The following FRY variants were observed in gnomAD, a reference collection of about 807,000 sequenced individuals.
FRY encodes the protein FRY microtubule binding protein.
FRY carries 128 observed loss-of-function variants against 348.4 expected under a neutral mutation model. The ratio of observed to expected loss-of-function variants is 0.37; its 90% CI spans 0.32 to 0.43. The LOEUF (loss-of-function observed/expected upper bound fraction) is 0.43, where lower values mean the gene tolerates loss of function less well. Among genes scored for constraint, FRY ranks in the 20% least tolerant of loss-of-function variants. The pLI is 1.00. For missense variants in FRY, 2,736 were observed against 3,695.2 expected (o/e 0.74, Z 6.73); for synonymous variants, 1,370 against 1,374.7 (o/e 1.00, Z 0.08).
rs1886417253 is a variant in FRY, at chr13:32,239,976, C to T, written c.6687+95C>T. ...GCTCAAGCAGTCCTCCTGCCTTCGCCTCCCAGAGTGCTAGGATTACAGGCG... is the reference window on the plus strand; with the variant it reads ...GCTCAAGCAGTCCTCCTGCCTTCGCTTCCCAGAGTGCTAGGATTACAGGCG... On this transcript the variant is annotated intron_variant, in intron 46 of 60. Coordinates refer to ENST00000542859, the MANE Select transcript of FRY (RefSeq NM_023037.3). The surrounding 1 kb of genome is among the most constrained non-coding windows in gnomAD (Gnocchi z 4.3). 2.9e-6 allele frequency: 3 copies of T among 1,032,398 alleles called. No homozygotes were observed. Among genetic ancestry groups the T allele is most frequent in the South Asian group, 1.4e-5 (1 of 71,942 alleles). The allele number at this position is 1,032,398 out of a possible 1,614,324, so 64.0% of individuals were successfully genotyped here. A position where few individuals can be genotyped will look rare whatever the true frequency, so the allele number is the denominator to read the frequency against.
In FRY at chr13:32,224,274, T is replaced by C; in HGVS notation, c.4805T>C (p.Ile1602Thr). ...ISPYTGWLLTITETKQPQPLP... is the reference protein window; with the variant it reads ...ISPYTGWLLTTTETKQPQPLP... ...CCCTACACGGGCTGGTTGCTGACTA[T>C]TACAGAGACCAAGCAGCCGCAGCCC... Residue 1602 changes from isoleucine (I) to threonine (T), a missense_variant, in exon 37 of 61, where the codon ATT becomes ACT. By Grantham distance (89) the Ile-to-Thr change is moderately conservative. Transcript: ENST00000542859. 1 of 1,614,060 alleles carries C rather than the reference T, an allele frequency of 6.2e-7. No homozygotes were observed. Among genetic ancestry groups the C allele is most frequent in the Non-Finnish European group, 8.5e-7 (1 of 1,179,936 alleles).
rs550680973 is a variant in FRY, at chr13:32,035,808, G to A, written c.70+3943G>A. On this transcript the variant is annotated intron_variant, in intron 1 of 60. Coordinates refer to ENST00000542859, the MANE Select transcript of FRY (RefSeq NM_023037.3). Reference sequence around the variant, plus strand: ...TTCATTGACAAATGAACTGCTCTGGGGAACTGAACAATCTCTTTGCAGTAG... The same window carrying A: ...TTCATTGACAAATGAACTGCTCTGGAGAACTGAACAATCTCTTTGCAGTAG... 1.9e-4 allele frequency among the ~76,000 whole-genome samples: 29 copies of A among 152,304 alleles called. No individual in the cohort carries two copies. In the South Asian group the frequency reaches 4.2e-3, roughly 22 times the overall value.
chr13:32,296,128 C>T lies in FRY; in HGVS notation c.*668C>T, dbSNP rs1311915402. On this transcript the variant is annotated 3_prime_UTR_variant, in exon 61 of 61. Transcript: ENST00000542859. ...GTTGCTAGGCTACTGTTTCTGAAAG[C>T]CCTGGATCTCTTTGCACCAAAAATG... The T allele has an allele frequency of 1.3e-5, 2 of 152,740 alleles. No homozygotes were observed. The highest frequency in any genetic ancestry group is 2.4e-5 in the African/African-American group (1 of 41,446). The allele number at this position is 152,740 out of a possible 1,614,324, so 9.5% of individuals were successfully genotyped here.
intron 58 of FRY, among the ~76,000 whole-genome samples, chr13:32,289,097 A>G (rs1401730451): frequency 2.6e-5 from 4 of 152,036 alleles, no homozygotes; most frequent in Non-Finnish European, 5.9e-5. Context: ...TTTTCTAAGC[A>G]TTTTTGGTCC....
chr13:32,139,234 T>C (rs921402374), intron 11 of FRY, among the ~76,000 whole-genome samples: 1 of 152,198 alleles, frequency 6.6e-6, no homozygotes, highest in African/African-American at 2.4e-5. Context: ...GCTTCAAAGA[T>C]ATACTTTGTC....
At position 32,230,958 on chromosome 13, in the gene FRY, T is replaced by A. The variant is rs147648409; in HGVS notation, c.5406-221T>A. Among the ~76,000 whole-genome samples, 676 of 152,348 alleles carry A rather than the reference T, an allele frequency of 4.4e-3. 4 individuals are homozygous for A. The highest frequency in any genetic ancestry group is 0.016 in the African/African-American group (650 of 41,580). Reference sequence around the variant, plus strand: ...ATTGTTGGCTGCATGTATGTCTTCTTTTGAGAAGTGTCTGTTCATGTCCTT... The same window carrying A: ...ATTGTTGGCTGCATGTATGTCTTCTATTGAGAAGTGTCTGTTCATGTCCTT... On this transcript the variant is annotated intron_variant, in intron 40 of 60. Coordinates refer to ENST00000542859, the MANE Select transcript of FRY (RefSeq NM_023037.3).
Position 32,133,089 on chromosome 13 carries a change from G to C in FRY, c.885+1249G>C, listed in dbSNP as rs534374841. Among the ~76,000 whole-genome samples the C allele has an allele frequency of 8.5e-5, 13 of 152,142 alleles. No homozygotes were observed. The South Asian group carries it at 2.5e-3, about 29-fold the overall frequency. On this transcript the variant is annotated intron_variant, in intron 8 of 60. Coordinates refer to ENST00000542859, the MANE Select transcript of FRY (RefSeq NM_023037.3). ...CTGCTGAGGGGTAGAGTTTCCTTTG[G>C]GTGTCATTAAAAGGTTCTAAATTTG...
At chr13:32,185,233 T>G in intron 26 of FRY, 85 bp downstream of exon 26, 1 of 1,185,084 alleles carries the variant, frequency 8.4e-7, no homozygotes, top group South Asian at 1.2e-5. Flanking sequence ...TCTTTAACCC[T>G]ACTGGCCTTT....
intron 50 of FRY, among the ~76,000 whole-genome samples, chr13:32,253,265 T>C (rs573400507): frequency 3.9e-5 from 6 of 152,176 alleles, no homozygotes; most frequent in Admixed American, 6.5e-5. Flanking sequence ...GTGTGTCAGG[T>C]GCTATAATGA....
chr13:32,288,350 T>C (rs1343985677), intron 58 of FRY, among the ~76,000 whole-genome samples: 1 of 152,200 alleles, frequency 6.6e-6, no homozygotes, highest in Non-Finnish European at 1.5e-5. Flanking sequence ...AATTAGTCAG[T>C]GTAGCTGCTT....
intron 19 of FRY, among the ~76,000 whole-genome samples, 154 bp downstream of exon 19, chr13:32,173,703 T>C (rs1459617587): frequency 6.6e-6 from 1 of 152,224 alleles, no homozygotes; most frequent in African/African-American, 2.4e-5. Flanking sequence ...TGTAATAACA[T>C]TCTTGATCTA....
intron 44 of FRY, among the ~76,000 whole-genome samples, chr13:32,238,401 C>T (rs1165638807): frequency 1.3e-5 from 2 of 151,752 alleles, no homozygotes; most frequent in Non-Finnish European, 2.9e-5. Context: ...TTGAATTAAC[C>T]CAAATCAACA....
chr13:32,061,120 T>C (rs758405471), intron 1 of FRY: 3 of 533,314 alleles, frequency 5.6e-6, no homozygotes, highest in Admixed American at 1.9e-5. Context: ...TTACAACTGC[T>C]TGTTGGAGAC....
At chr13:32,066,260 G>C (rs902040069) in intron 1 of FRY, among the ~76,000 whole-genome samples, 1 of 152,160 alleles carries the variant, frequency 6.6e-6, no homozygotes, top group African/African-American at 2.4e-5. Context: ...CCTTATGGTG[G>C]TAACATTAAC....
chr13:32,077,716 G>C (rs919524838), intron 1 of FRY, among the ~76,000 whole-genome samples: 1 of 152,194 alleles, frequency 6.6e-6, no homozygotes, highest in African/African-American at 2.4e-5. Context: ...TATGAAAAGA[G>C]TATCCAACTT....
In FRY at chr13:32,249,539, G is replaced by A; in HGVS notation, c.7022G>A (p.Gly2341Glu). ...HFDISETPIIGRRYDELQNSS... is the reference protein window; with the variant it reads ...HFDISETPIIERRYDELQNSS... Reference sequence around the variant, plus strand: ...CTTCTTCTCAAGACTCCAATCATCGGGAGGCGGTATGATGAGCTGCAGAAT... The same window carrying A: ...CTTCTTCTCAAGACTCCAATCATCGAGAGGCGGTATGATGAGCTGCAGAAT... The change falls in exon 49 of 61, where the codon GGG becomes GAG. Residue 2341 changes from glycine (G) to glutamate (E), a missense_variant. Coordinates refer to ENST00000542859, the MANE Select transcript of FRY (RefSeq NM_023037.3). 6.2e-7 allele frequency: 1 copy of A among 1,614,190 alleles called. No homozygotes were observed. The highest frequency in any genetic ancestry group is 1.7e-5 in the Admixed American group (1 of 60,032).
At chr13:32,061,553 A>G (rs425029) in intron 1 of FRY, among the ~76,000 whole-genome samples, 71,761 of 152,046 alleles carry the variant, frequency 0.47, 18,829 homozygotes, top group Non-Finnish European at 0.57. Flanking sequence ...TAGTAGAAGT[A>G]GGATTTATGC....
rs143995071 is a variant in FRY, at chr13:32,288,833, T to C, written c.8470-800T>C. Among the ~76,000 whole-genome samples, 208 of 152,318 alleles carry C rather than the reference T, an allele frequency of 1.4e-3. 3 individuals are homozygous for C. Among genetic ancestry groups the C allele is most frequent in the Non-Finnish European group, 2.2e-3 (151 of 68,026 alleles). ...CACTCACTACCTGGGAGCAAACTCA[T>C]TCTTGGAATAAAATAGGCAAAGTGT... On this transcript the variant is annotated intron_variant, in intron 58 of 60. Transcript: ENST00000542859.
At chr13:32,039,492 CT>C (rs1164739628) in intron 1 of FRY, among the ~76,000 whole-genome samples, 1 of 84,352 alleles carries the variant, frequency 1.2e-5, no homozygotes, top group Non-Finnish European at 2.6e-5. Flanking sequence ...TCTCTCCCAC[CT>C]CCCCCCCCAT....
Sources: gnomAD v4.1 joint callset for allele counts (sites outside exome capture counted in the v4.1 genomes callset) on GRCh38, gnomAD v4.1.1 for gene constraint, Gnocchi (gnomAD v3.1) non-coding constraint, MANE v1.5 for transcripts, NCBI Gene and HGNC (gene_info 2026-07-23, HGNC 2026-07-21) for gene names.